Variants in ENG observed in about 807,000 individuals in gnomAD.
ENG encodes CD105 antigen.
Under a neutral mutation model 71.0 loss-of-function variants are expected in ENG, and 17 were observed. That is an observed-to-expected ratio of 0.24 (90% CI 0.16 to 0.36). ENG has a LOEUF of 0.36. ENG is among the 10% of genes least tolerant of loss of function. The pLI is 1.00. For synonymous variants in ENG, 360 were observed against 366.9 expected (o/e 0.98, Z 0.21); for missense variants, 749 against 868.3 (o/e 0.86, Z 1.73).
At chr9:127,840,213 T>A (rs1830997476) in intron 2 of ENG, among the ~76,000 whole-genome samples, 1 of 152,230 alleles carries the variant, frequency 6.6e-6, no homozygotes, top group African/African-American at 2.4e-5. Flanking sequence ...GCTGCCTGGC[T>A]CCAGAACCTG....
At chr9:127,849,694 G>A (rs1831246851) in intron 1 of ENG, among the ~76,000 whole-genome samples, 3 of 152,164 alleles carry the variant, frequency 2.0e-5, no homozygotes, top group Non-Finnish European at 4.4e-5. Context: ...GGGGACCAGA[G>A]AAAAGGCTGA....
intron 12 of ENG, chr9:127,817,444 G>A (rs1009003708): frequency 8.5e-6 from 5 of 590,588 alleles, no homozygotes; most frequent in Admixed American, 5.1e-5. Flanking sequence ...TTGATGCCCA[G>A]GAGCACTGTG....
rs188217495 is a variant in ENG, at chr9:127,854,175, A to G, written c.67+114T>C. The stretch of plus-strand genomic sequence containing the variant: ...GGGTTGGTGACCCTCCAGAGCCCCA[A>G]GGATGGCTCTGCTGGGCGTGAGCTC... On this transcript the variant is annotated intron_variant, in intron 1 of 14. Transcript: ENST00000373203. 9 of 1,107,412 alleles carry G rather than the reference A, an allele frequency of 8.1e-6. No homozygotes were observed. In the Admixed American group the frequency reaches 1.7e-4, roughly 20 times the overall value. The allele number at this position is 1,107,412 out of a possible 1,614,324, so 68.6% of individuals were successfully genotyped here. A position where few individuals can be genotyped will look rare whatever the true frequency, so the allele number is the denominator to read the frequency against.
In ENG at chr9:127,829,745, A is replaced by T; in HGVS notation, c.302T>A (p.Val101Glu). ...GAGATGCAGGAAGACACTGCTGTTTACACTGAGGACCAGAAGCACCTCTCG... is the reference window on the plus strand; with the variant it reads ...GAGATGCAGGAAGACACTGCTGTTTTCACTGAGGACCAGAAGCACCTCTCG... ...WPREVLLVLS[V>E]NSSVFLHLQA... is the part of the protein sequence containing the mutation. The change falls in exon 3 of 15, where the codon GTA becomes GAA. Residue 101 changes from valine to glutamate, a missense_variant. Transcript: ENST00000373203. 1.9e-6 allele frequency: 3 copies of T among 1,614,124 alleles called. No individual in the cohort carries two copies.
At chr9:127,845,816 C>T (rs1831157170) in intron 1 of ENG, among the ~76,000 whole-genome samples, 1 of 152,224 alleles carries the variant, frequency 6.6e-6, no homozygotes, top group South Asian at 2.1e-4. Context: ...AAGCGATCCT[C>T]CTGCCTCAGC....
rs372533091 is a variant in ENG at position 127,850,344 on chromosome 9, C to T, written c.67+3945G>A. 9.8e-5 allele frequency among the ~76,000 whole-genome samples: 15 copies of T among 152,334 alleles called. No individual in the cohort carries two copies. The South Asian group carries it at 2.5e-3, about 25-fold the overall frequency. ...ATGCTGGGGACAGAGGAGAGGTGGC[C>T]GCCTCACTCTTGCCCAGATCCACCT... On this transcript the variant is annotated intron_variant, in intron 1 of 14. Transcript: ENST00000373203.
At chr9:127,848,002 A>G in intron 1 of ENG, among the ~76,000 whole-genome samples, 1 of 152,110 alleles carries the variant, frequency 6.6e-6, no homozygotes, top group East Asian at 1.9e-4. Flanking sequence ...TGATTCTTCC[A>G]CCTGCCAGCT....
rs773334730 is a variant in ENG at position 127,843,248 on chromosome 9, G to A, written c.68-3C>T. On this transcript the variant is annotated splice_polypyrimidine_tract_variant and splice_region_variant and intron_variant, in intron 1 of 14. Coordinates refer to ENST00000373203, the MANE Select transcript of ENG (RefSeq NM_001114753.3). ...ACAATGGACTGTTTCTGCAAGACCTGTTGGAGAAACATCCGGAAAGAGGCC... is the reference window on the plus strand; with the variant it reads ...ACAATGGACTGTTTCTGCAAGACCTATTGGAGAAACATCCGGAAAGAGGCC... 2 of 1,614,188 alleles carry A rather than the reference G, an allele frequency of 1.2e-6. No individual in the cohort carries two copies. The highest frequency in any genetic ancestry group is 2.2e-5 in the East Asian group (1 of 44,888).
intron 2 of ENG, among the ~76,000 whole-genome samples, chr9:127,842,364 G>T (rs1179647838): frequency 6.6e-6 from 1 of 151,248 alleles, no homozygotes; most frequent in African/African-American, 2.4e-5. Flanking sequence ...GTACAGCTGG[G>T]ATTACAGGCA....
intron 9 of ENG, 84 bp downstream of exon 9, chr9:127,819,816 A>T (rs1055431613): frequency 1.6e-5 from 26 of 1,612,128 alleles, no homozygotes; most frequent in Non-Finnish European, 2.1e-5. Flanking sequence ...TCCCAAACAC[A>T]CCTCCACCCT....
Position 127,815,857 on chromosome 9 carries a change from C to T in ENG, c.1853-51G>A, listed in dbSNP as rs1341775119. 6.4e-6 allele frequency: 10 copies of T among 1,552,284 alleles called. No individual in the cohort carries two copies. The East Asian group carries it at 1.7e-4, about 26-fold the overall frequency. On this transcript the variant is annotated intron_variant, in intron 14 of 14. Transcript: ENST00000373203. ...CGGAGGTCAGGGTCCTGGCCAGGGC[C>T]CCTCAATCCCTCAGAGGCTTCACTG...
At chr9:127,843,621 C>G (rs561908216) in intron 1 of ENG, among the ~76,000 whole-genome samples, 1 of 148,466 alleles carries the variant, frequency 6.7e-6, no homozygotes, top group African/African-American at 2.5e-5. Flanking sequence ...TCACTGGGCC[C>G]CATGTATATA....
At chr9:127,825,437 G>A (rs916649472) in intron 5 of ENG, 80 bp from the exon 6 acceptor site, 13 of 1,590,388 alleles carry the variant, frequency 8.2e-6, no homozygotes, top group Admixed American at 1.7e-5. Context: ...GGTGGGCGGC[G>A]GCTGCACTCT....
chr9:127,840,255 C>T (rs1019653182), intron 2 of ENG, among the ~76,000 whole-genome samples: 5 of 152,340 alleles, frequency 3.3e-5, no homozygotes, highest in Non-Finnish European at 7.3e-5. Flanking sequence ...GGTCATACAG[C>T]GGCGCACACA....
At chr9:127,821,765 C>T (rs554075114) in intron 8 of ENG, among the ~76,000 whole-genome samples, 80 of 151,568 alleles carry the variant, frequency 5.3e-4, no homozygotes, top group African/African-American at 1.8e-3. Flanking sequence ...CACCTGTAAT[C>T]CCAGCTACTC....
chr9:127,826,060 G>A (rs578032910), intron 4 of ENG, among the ~76,000 whole-genome samples, 200 bp from the exon 5 acceptor site: 8 of 152,292 alleles, frequency 5.3e-5, no homozygotes, highest in African/African-American at 1.2e-4. Flanking sequence ...CCGGGCCTCC[G>A]TGTGTTAACA....
Position 127,819,908 on chromosome 9 carries a change from T to C in ENG, c.1264A>G (p.Ser422Gly). ...TTGGCCCCAGCTCTTACCTCATTGC[T>C]GATCATACTTGCTGACACCTGCATG... ...CGMQVSASMI[S>G]NEAVVNILSS... The change falls in exon 9 of 15, where the codon AGC (serine) becomes GGC (glycine). Residue 422 changes from serine (S) to glycine (G), a missense_variant. Transcript: ENST00000373203. 1 of 1,614,248 alleles carries C rather than the reference T, an allele frequency of 6.2e-7. No individual in the cohort carries two copies.
intron 1 of ENG, among the ~76,000 whole-genome samples, chr9:127,850,954 G>GTCA (rs1289664867): frequency 6.6e-6 from 1 of 152,148 alleles, no homozygotes; most frequent in African/African-American, 2.4e-5. Context: ...CAAGAGGATG[G>GTCA]TCATGGAGTC....
At chr9:127,841,883 C>T (rs544988759) in intron 2 of ENG, among the ~76,000 whole-genome samples, 19 of 152,312 alleles carry the variant, frequency 1.2e-4, no homozygotes, top group African/African-American at 2.9e-4. Context: ...GTCACTCCAT[C>T]GCTCTCAGCC....
Sources: allele counts gnomAD v4.1 joint callset (sites outside exome capture counted in the v4.1 genomes callset), GRCh38; gene constraint gnomAD v4.1.1; transcripts MANE v1.5; gene names NCBI Gene and HGNC (gene_info 2026-07-23, HGNC 2026-07-21).